Variants in GLIS3 observed in about 807,000 individuals in gnomAD.
The protein encoded by GLIS3 is GLIS family zinc finger 3.
Under a neutral mutation model 78.6 loss-of-function variants are expected in GLIS3, and 53 were observed. The observed-to-expected ratio is 0.67, with a 90% CI of 0.54 to 0.85. The LOEUF (loss-of-function observed/expected upper bound fraction) is 0.85. GLIS3 is among the 40% of genes least tolerant of loss of function. The pLI, the probability that GLIS3 is intolerant of heterozygous loss-of-function variation, is 0.00. For missense variants in GLIS3, 1,703 were observed against 1,231.1 expected (o/e 1.38, Z -5.74); for synonymous variants, 684 against 509.9 (o/e 1.34, Z -4.60).
intron 7 of GLIS3, among the ~76,000 whole-genome samples, chr9:3,885,291 G>C (rs1182290519): frequency 1.3e-5 from 2 of 152,186 alleles, no homozygotes; most frequent in Non-Finnish European, 2.9e-5. Context: ...ATGATGTTCT[G>C]GGCTGAAAGG....
intron 2 of GLIS3, among the ~76,000 whole-genome samples, chr9:4,195,610 C>T (rs1249783870): frequency 3.3e-5 from 5 of 152,274 alleles, no homozygotes; most frequent in Non-Finnish European, 5.9e-5. Flanking sequence ...CTGAGCCTCC[C>T]AGATGGGCAC....
At chr9:4,248,336 G>A (rs1824006421) in intron 2 of GLIS3, among the ~76,000 whole-genome samples, 1 of 152,100 alleles carries the variant, frequency 6.6e-6, no homozygotes, top group Non-Finnish European at 1.5e-5. Context: ...ACAACATGTG[G>A]TATTGGGTTT....
intron 1 of GLIS3, among the ~76,000 whole-genome samples, chr9:4,290,123 C>T (rs1828325828): frequency 6.6e-6 from 1 of 152,018 alleles, no homozygotes; most frequent in Non-Finnish European, 1.5e-5. Context: ...AGCTAAAGGC[C>T]CTTTCTTAGT....
At chr9:4,338,398 A>ACG (rs1271460091) in intron 2 of GLIS3, among the ~76,000 whole-genome samples, 4 of 151,570 alleles carry the variant, frequency 2.6e-5, no homozygotes, top group Admixed American at 6.6e-5. Context: ...ATACACACAC[A>ACG]CACACACACA....
the GLIS3 span, among the ~76,000 whole-genome samples, chr9:4,470,829 T>C: frequency 6.6e-6 from 1 of 151,872 alleles, no homozygotes; most frequent in African/African-American, 2.4e-5. Flanking sequence ...TGTTTGCAGA[T>C]GACATGATTG....
chr9:3,958,209 C>G (rs1177033722), intron 4 of GLIS3, among the ~76,000 whole-genome samples: 1 of 152,146 alleles, frequency 6.6e-6, no homozygotes, highest in Admixed American at 6.5e-5. Context: ...TTTCATGAAT[C>G]TTCATGAGCT....
the GLIS3 span, among the ~76,000 whole-genome samples, chr9:4,386,953 C>G: frequency 6.6e-6 from 1 of 152,150 alleles, no homozygotes; most frequent in Non-Finnish European, 1.5e-5. Flanking sequence ...TTGAGGATCA[C>G]AGAACTCTCA....
At chr9:4,373,708 G>T in the GLIS3 span, among the ~76,000 whole-genome samples, 2 of 145,242 alleles carry the variant, frequency 1.4e-5, no homozygotes, top group Non-Finnish European at 1.5e-5. Flanking sequence ...TGCTCTTGTC[G>T]CCCAGGCTGT....
At position 4,118,549 on chromosome 9, in the gene GLIS3, T is replaced by C; in HGVS notation, c.929A>G (p.Asp310Gly). The change falls in exon 4 of 11, where the codon GAT (aspartate) becomes GGT (glycine). Residue 310 changes from aspartate (D) to glycine (G), a missense_variant. Transcript: ENST00000381971. The surrounding 1 kb of genome is among the most constrained non-coding windows in gnomAD (Gnocchi z 4.7). Reference sequence around the variant, plus strand: ...GGTATTGAAATCTATCCCGATGCCATCGGACAGCGGGGACAAGGACAGCGC... The same window carrying C: ...GGTATTGAAATCTATCCCGATGCCACCGGACAGCGGGGACAAGGACAGCGC... ...KRALSLSPLS[D>G]GIGIDFNTII... is the part of the protein sequence containing the mutation. 5 of 1,614,186 alleles carry C rather than the reference T, an allele frequency of 3.1e-6. No individual in the cohort carries two copies. The highest frequency in any genetic ancestry group is 4.2e-6 in the Non-Finnish European group (5 of 1,180,030).
chr9:3,931,153 G>A (rs1825585644), intron 6 of GLIS3, among the ~76,000 whole-genome samples: 1 of 152,040 alleles, frequency 6.6e-6, no homozygotes. Flanking sequence ...ACTTACAAGA[G>A]TGGGTTTGTA....
chr9:4,490,285 G>C, the GLIS3 span, among the ~76,000 whole-genome samples: 4 of 152,232 alleles, frequency 2.6e-5, no homozygotes, highest in Admixed American at 6.5e-5. Context: ...TTCCCGGAGA[G>C]GCCGCCCCAG....
chr9:4,437,420 G>GTATCTATC, the GLIS3 span, among the ~76,000 whole-genome samples: 2,049 of 127,000 alleles, frequency 0.016, 24 homozygotes, highest in East Asian at 0.023. Context: ...ATGTATGTAT[G>GTATCTATC]TATCTATCTA....
intron 4 of GLIS3, among the ~76,000 whole-genome samples, chr9:4,054,781 G>A (rs561589042): frequency 1.1e-4 from 17 of 152,076 alleles, no homozygotes; most frequent in African/African-American, 3.9e-4. Context: ...CTCTCTGTGT[G>A]TGTATGTGTG....
At chr9:3,914,605 A>C (rs1428810967) in intron 6 of GLIS3, among the ~76,000 whole-genome samples, 1 of 152,158 alleles carries the variant, frequency 6.6e-6, no homozygotes, top group Non-Finnish European at 1.5e-5. Flanking sequence ...ACTACATTAT[A>C]CTTCATATCT....
intron 4 of GLIS3, among the ~76,000 whole-genome samples, chr9:4,114,235 C>G (rs77322709): frequency 0.011 from 1,719 of 152,210 alleles, 31 homozygotes; most frequent in African/African-American, 0.037. Context: ...TTACTGGGCA[C>G]CGTTACCCAA....
chr9:3,947,967 T>TA (rs1816412696), intron 4 of GLIS3, among the ~76,000 whole-genome samples: 1 of 152,148 alleles, frequency 6.6e-6, no homozygotes, highest in Non-Finnish European at 1.5e-5. Context: ...ACTGGCTGCC[T>TA]AAAAAAGAAA....
At chr9:4,081,510 G>A (rs940894815) in intron 4 of GLIS3, 1 of 152,184 alleles carries the variant, frequency 6.6e-6, no homozygotes, top group Non-Finnish European at 1.5e-5. Flanking sequence ...CTGGCTAAAT[G>A]GAGAAAACAC....
At chr9:4,057,854 G>A (rs1826276741) in intron 4 of GLIS3, among the ~76,000 whole-genome samples, 1 of 152,082 alleles carries the variant, frequency 6.6e-6, no homozygotes. Flanking sequence ...CTTGATGATG[G>A]GCTTATGCAA....
intron 4 of GLIS3, among the ~76,000 whole-genome samples, chr9:4,066,406 T>C (rs796448840): frequency 1.3e-5 from 2 of 152,246 alleles, no homozygotes; most frequent in African/African-American, 4.8e-5. Context: ...GCAGAACACA[T>C]GCATTTTTCC....
Sources: allele counts gnomAD v4.1 joint callset (sites outside exome capture counted in the v4.1 genomes callset), GRCh38; gene constraint gnomAD v4.1.1; non-coding constraint Gnocchi (gnomAD v3.1); transcripts MANE v1.5; gene names NCBI Gene and HGNC (gene_info 2026-07-23, HGNC 2026-07-21).